BCL9: variants seen among roughly 807,000 people sequenced by gnomAD.
The protein encoded by BCL9 is BCL9 transcription coactivator, also known as B-cell CLL/lymphoma 9 protein.
In BCL9, 25 loss-of-function variants were observed where a neutral mutation model predicts 88.5. The ratio of observed to expected loss-of-function variants is 0.28; its 90% CI spans 0.21 to 0.39. The LOEUF (loss-of-function observed/expected upper bound fraction) is 0.39. Ranked by LOEUF, BCL9 falls within the 10% of genes least tolerant of loss-of-function variation. BCL9 has a pLI of 1.00. For synonymous variants in BCL9, 711 were observed against 673.3 expected (o/e 1.06, Z -0.87); for missense variants, 1,817 against 1,877.8 (o/e 0.97, Z 0.60).
chr1:147,622,613 A>G, intron 9 of BCL9, 82 bp downstream of exon 9: 1 of 1,527,310 alleles, frequency 6.5e-7, no homozygotes, highest in Non-Finnish European at 8.9e-7. Context: ...ATGGCTATAC[A>G]CCTGAATAGG....
intron 1 of BCL9, among the ~76,000 whole-genome samples, chr1:147,576,925 G>A (rs1307213454): frequency 6.6e-6 from 1 of 152,154 alleles, no homozygotes; most frequent in Non-Finnish European, 1.5e-5. Context: ...ATCGTCAAAA[G>A]AGAAATGCCT....
At chr1:147,615,397 G>A (rs1426341308) in intron 6 of BCL9, among the ~76,000 whole-genome samples, 3 of 152,018 alleles carry the variant, frequency 2.0e-5, no homozygotes, top group African/African-American at 7.3e-5. Context: ...ATGGTTTTCT[G>A]ACTTTTTTTC....
intron 7 of BCL9, among the ~76,000 whole-genome samples, chr1:147,618,580 GTTAT>G (rs1206541337): frequency 6.6e-6 from 1 of 151,394 alleles, no homozygotes; most frequent in African/African-American, 2.4e-5. Context: ...TACTTTTAAA[GTTAT>G]TGAAACCTAA....
At chr1:147,570,329 G>A (rs1553197229) in intron 1 of BCL9, among the ~76,000 whole-genome samples, 1 of 152,208 alleles carries the variant, frequency 6.6e-6, no homozygotes, top group Non-Finnish European at 1.5e-5. Flanking sequence ...CAGAAGCCAT[G>A]TCAGGAAGAG....
chr1:147,544,054 T>C lies in BCL9; in HGVS notation c.-478+2380T>C, dbSNP rs587762856. Reference sequence around the variant, plus strand: ...CATTCAACTTATATTTTGGGGCTCTTTACTCTGCAGCAGGCAAATACTGGG... The same window carrying C: ...CATTCAACTTATATTTTGGGGCTCTCTACTCTGCAGCAGGCAAATACTGGG... On this transcript the variant is annotated intron_variant, in intron 1 of 9. Coordinates refer to ENST00000234739, the MANE Select transcript of BCL9 (RefSeq NM_004326.4). Among the ~76,000 whole-genome samples, 5 of 152,304 alleles carry C rather than the reference T, an allele frequency of 3.3e-5. No homozygotes were observed. In the South Asian group the frequency reaches 1.0e-3, roughly 32 times the overall value.
intron 5 of BCL9, among the ~76,000 whole-genome samples, chr1:147,614,201 T>A (rs1265021926): frequency 6.6e-6 from 1 of 152,104 alleles, no homozygotes; most frequent in East Asian, 1.9e-4. Flanking sequence ...TACACTAATA[T>A]ATGAAGGAGG....
In BCL9 at chr1:147,619,542, G is replaced by C. The variant is rs1553204651; in HGVS notation, c.1387G>C (p.Asp463His). Residue 463 changes from aspartate to histidine, a missense_variant, in exon 8 of 10, where the codon GAC becomes CAC. Coordinates refer to ENST00000234739, the MANE Select transcript of BCL9 (RefSeq NM_004326.4). The surrounding 1 kb of genome is among the most constrained non-coding windows in gnomAD (Gnocchi z 4.1). Reference sequence around the variant, plus strand: ...TGGGACCATAGGACCCGACCACCTTGACCATATGACTCCCGAGCAGATAGC... The same window carrying C: ...TGGGACCATAGGACCCGACCACCTTCACCATATGACTCCCGAGCAGATAGC... ...QSGTIGPDHL[D>H]HMTPEQIAWL... is the part of the protein sequence containing the mutation. 1 of 1,614,120 alleles carries C rather than the reference G, an allele frequency of 6.2e-7. No individual in the cohort carries two copies. The highest frequency in any genetic ancestry group is 8.5e-7 in the Non-Finnish European group (1 of 1,180,014).
chr1:147,594,014 A>G lies in BCL9; in HGVS notation c.-477-10763A>G, dbSNP rs191523398. 3.3e-5 allele frequency among the ~76,000 whole-genome samples: 5 copies of G among 152,342 alleles called. No individual in the cohort carries two copies. The East Asian group carries it at 9.6e-4, about 29-fold the overall frequency. Reference sequence around the variant, plus strand: ...GTTTAATATCTAAACCCAGGTCCATATGACTCTAAAACCAATATTGTTTCT... The same window carrying G: ...GTTTAATATCTAAACCCAGGTCCATGTGACTCTAAAACCAATATTGTTTCT... On this transcript the variant is annotated intron_variant, in intron 1 of 9. Transcript: ENST00000234739.
chr1:147,606,773 T>C lies in BCL9; in HGVS notation c.-342-11T>C, dbSNP rs1570896433. On this transcript the variant is annotated splice_polypyrimidine_tract_variant and intron_variant, in intron 2 of 9. Coordinates refer to ENST00000234739, the MANE Select transcript of BCL9 (RefSeq NM_004326.4). ...AAAATCTGCTTAGGACTTCTTTTTT[T>C]CCTCGTCTAGACAAGGGTCATCTTT... 1 of 152,718 alleles carries C rather than the reference T, an allele frequency of 6.5e-6. No individual in the cohort carries two copies. The highest frequency in any genetic ancestry group is 1.9e-4 in the East Asian group (1 of 5,188). The allele number at this position is 152,718 out of a possible 1,614,324, so 9.5% of individuals were successfully genotyped here. A position where few individuals can be genotyped will look rare whatever the true frequency, so the allele number is the denominator to read the frequency against.
intron 3 of BCL9, among the ~76,000 whole-genome samples, chr1:147,610,387 A>G (rs1237889967): frequency 4.6e-5 from 7 of 152,320 alleles, no homozygotes; most frequent in African/African-American, 1.7e-4. Context: ...TCACTGTCCC[A>G]GGTAAAATAG....
chr1:147,571,803 G>C (rs1655899164), intron 1 of BCL9, among the ~76,000 whole-genome samples: 1 of 152,174 alleles, frequency 6.6e-6, no homozygotes, highest in African/African-American at 2.4e-5. Flanking sequence ...TGCCTTCCCA[G>C]ACCTCTGCAT....
intron 1 of BCL9, among the ~76,000 whole-genome samples, chr1:147,591,951 G>A (rs1415495751): frequency 2.0e-5 from 3 of 152,112 alleles, no homozygotes; most frequent in African/African-American, 7.2e-5. Context: ...CTGGAGGAGG[G>A]GTATTTATCC....
rs782431075 is a variant in BCL9, at chr1:147,619,472, C to T, written c.1317C>T (p.Pro439=). 2 of 1,614,128 alleles carry T rather than the reference C, an allele frequency of 1.2e-6. No homozygotes were observed. The highest frequency in any genetic ancestry group is 2.2e-5 in the South Asian group (2 of 91,076). Residue 439 remains proline (P), a synonymous_variant, in exon 8 of 10, where the codon CCC becomes CCT. Transcript: ENST00000234739. This position sits in a 1 kb window ranked among gnomAD's most constrained non-coding sequence, Gnocchi z 4.1. ...GCCCTCAAGGACATAGAGATGTACCCTTTTCTCCAGATGAAATGGTTCCAC... is the reference window on the plus strand; with the variant it reads ...GCCCTCAAGGACATAGAGATGTACCTTTTTCTCCAGATGAAATGGTTCCAC... ...PFGPQGHRDV[P]FSPDEMVPPS...
At chr1:147,555,399 T>C (rs962861636) in intron 1 of BCL9, among the ~76,000 whole-genome samples, 13 of 152,220 alleles carry the variant, frequency 8.5e-5, no homozygotes, top group African/African-American at 3.1e-4. Context: ...TCTCTTCCCC[T>C]GTAAGAGATC....
intron 1 of BCL9, among the ~76,000 whole-genome samples, chr1:147,602,813 G>C (rs1553201501): frequency 1.3e-5 from 2 of 152,088 alleles, no homozygotes; most frequent in African/African-American, 4.8e-5. Flanking sequence ...GTTTGTGGGG[G>C]GAAAAGAATA....
chr1:147,578,865 C>CTTT (rs71791821), intron 1 of BCL9, among the ~76,000 whole-genome samples: 8 of 150,544 alleles, frequency 5.3e-5, no homozygotes, highest in African/African-American at 2.0e-4. Flanking sequence ...GGTTTTCTTT[C>CTTT]TTTTTTTTTC....
chr1:147,592,615 GGA>G (rs1656891146), intron 1 of BCL9, among the ~76,000 whole-genome samples: 1 of 152,178 alleles, frequency 6.6e-6, no homozygotes, highest in Non-Finnish European at 1.5e-5. Flanking sequence ...GAGTGTGTCA[GGA>G]GAGTTGAAGA....
intron 1 of BCL9, among the ~76,000 whole-genome samples, chr1:147,597,807 A>G (rs1343037118): frequency 6.6e-6 from 1 of 152,224 alleles, no homozygotes. Flanking sequence ...AATTCTCAAT[A>G]GTATTATTCT....
At chr1:147,543,653 T>G (rs1553194005) in intron 1 of BCL9, among the ~76,000 whole-genome samples, 1 of 152,236 alleles carries the variant, frequency 6.6e-6, no homozygotes, top group Non-Finnish European at 1.5e-5. Context: ...GATATCTTCC[T>G]AAAATGTTAG....
Sources: gnomAD v4.1 joint callset for allele counts (sites outside exome capture counted in the v4.1 genomes callset) on GRCh38, gnomAD v4.1.1 for gene constraint, Gnocchi (gnomAD v3.1) non-coding constraint, MANE v1.5 for transcripts, NCBI Gene and HGNC (gene_info 2026-07-23, HGNC 2026-07-21) for gene names.